The following SWAP70 variants were observed in gnomAD, a reference collection of about 807,000 sequenced individuals.
The protein encoded by SWAP70 is switching B cell complex subunit SWAP70.
SWAP70 carries 34 observed loss-of-function variants against 80.2 expected under a neutral mutation model. That is an observed-to-expected ratio of 0.42 (90% CI 0.32 to 0.56). The LOEUF is 0.56. SWAP70 is among the 20% of genes least tolerant of loss of function. The pLI is 0.09. For missense variants in SWAP70, 578 were observed against 690.7 expected (o/e 0.84, Z 1.83); for synonymous variants, 239 against 238.5 (o/e 1.00, Z -0.02).
chr11:9,740,425 TG>T, intron 9 of SWAP70, 78 bp downstream of exon 9: 1 of 1,411,104 alleles, frequency 7.1e-7, no homozygotes, highest in Non-Finnish European at 1.0e-6. Flanking sequence ...ACTAACACTC[TG>T]GTGGAGAGGG....
intron 3 of SWAP70, among the ~76,000 whole-genome samples, chr11:9,717,564 G>T (rs895654638): frequency 3.9e-5 from 6 of 151,922 alleles, no homozygotes; most frequent in Admixed American, 3.9e-4. Context: ...GAGTCTGAAA[G>T]GGTGGTTTGA....
chr11:9,671,643 T>TGAA (rs1850399800), intron 1 of SWAP70, among the ~76,000 whole-genome samples: 1 of 85,530 alleles, frequency 1.2e-5, no homozygotes, highest in Non-Finnish European at 2.1e-5. Flanking sequence ...TAAATATTTC[T>TGAA]ATATAAATAT....
In SWAP70 at chr11:9,728,208, A is replaced by G. The variant is rs1590041391; in HGVS notation, c.789+9A>G. 8 of 1,587,142 alleles carry G rather than the reference A, an allele frequency of 5.0e-6. No individual in the cohort carries two copies. Among genetic ancestry groups the G allele is most frequent in the Non-Finnish European group, 6.8e-6 (8 of 1,170,400 alleles). ...AAAATTGCTGTGTAGAGGTGAGTCT[A>G]CTCTTACTTCTTTGCATGATTACCC... On this transcript the variant is annotated intron_variant, in intron 5 of 11. Coordinates refer to ENST00000318950, the MANE Select transcript of SWAP70 (RefSeq NM_015055.4).
intron 2 of SWAP70, among the ~76,000 whole-genome samples, chr11:9,708,403 G>C (rs1850951701): frequency 6.6e-6 from 1 of 152,134 alleles, no homozygotes; most frequent in Admixed American, 6.5e-5. Context: ...AAGTGATGTT[G>C]AGCATCTTCT....
intron 9 of SWAP70, among the ~76,000 whole-genome samples, chr11:9,743,146 G>C (rs1240543805): frequency 6.8e-6 from 1 of 146,956 alleles, no homozygotes; most frequent in Admixed American, 6.9e-5. Context: ...GAGAATATGC[G>C]GTGTTTGGTT....
intron 2 of SWAP70, among the ~76,000 whole-genome samples, chr11:9,696,422 G>T (rs1309731851): frequency 6.6e-6 from 1 of 152,138 alleles, no homozygotes; most frequent in Admixed American, 6.6e-5. Context: ...TTTGTAGTCT[G>T]ATTTTCCTGG....
intron 8 of SWAP70, among the ~76,000 whole-genome samples, chr11:9,739,334 T>C (rs930145530): frequency 1.3e-5 from 2 of 152,206 alleles, no homozygotes; most frequent in Admixed American, 6.5e-5. Flanking sequence ...TTGAAAGAGA[T>C]GTGTTTGTGG....
chr11:9,738,262 T>G lies in SWAP70; in HGVS notation c.1130T>G (p.Leu377Arg). ...GCAGCAGAAGAGGAAAAGAAACGCC[T>G]TCAGACTCAAGTGGAACTTCAGGCC... Reference protein sequence around the residue: ...SRAAEEEKKRLQTQVELQARF... With the variant: ...SRAAEEEKKRRQTQVELQARF... The change falls in exon 8 of 12, where the codon CTT becomes CGT. Residue 377 changes from leucine (L) to arginine (R), a missense_variant. Transcript: ENST00000318950. 3 of 1,611,734 alleles carry G rather than the reference T, an allele frequency of 1.9e-6. No individual in the cohort carries two copies. Among genetic ancestry groups the G allele is most frequent in the Non-Finnish European group, 2.5e-6 (3 of 1,178,922 alleles).
At position 9,694,186 on chromosome 11, in the gene SWAP70, A is replaced by C. The variant is rs1447414700; in HGVS notation, c.140A>C (p.His47Pro). 1.2e-6 allele frequency: 2 copies of C among 1,612,930 alleles called. No homozygotes were observed. Among genetic ancestry groups the C allele is most frequent in the South Asian group, 2.2e-5 (2 of 90,944 alleles). Reference sequence around the variant, plus strand: ...CTGTGCACGGTGCTGAAGGTTCCTCATGACCCAGTTGCCCTTGAAGAGCAC... The same window carrying C: ...CTGTGCACGGTGCTGAAGGTTCCTCCTGACCCAGTTGCCCTTGAAGAGCAC... Reference protein sequence around the residue: ...HNLCTVLKVPHDPVALEEHFR... With the variant: ...HNLCTVLKVPPDPVALEEHFR... Residue 47 changes from histidine to proline, a missense_variant, in exon 2 of 12, where the codon CAT (histidine) becomes CCT (proline). Transcript: ENST00000318950.
intron 1 of SWAP70, among the ~76,000 whole-genome samples, chr11:9,674,921 A>T (rs910659473): frequency 9.9e-5 from 15 of 151,568 alleles, no homozygotes; most frequent in African/African-American, 3.6e-4. Context: ...GTGAGCGGAG[A>T]TTATGCCACT....
chr11:9,682,354 A>C (rs1850578146), intron 1 of SWAP70, among the ~76,000 whole-genome samples: 1 of 152,226 alleles, frequency 6.6e-6, no homozygotes, highest in Non-Finnish European at 1.5e-5. Flanking sequence ...AGTTTTGTTA[A>C]GGCAATGGTG....
intron 2 of SWAP70, among the ~76,000 whole-genome samples, chr11:9,696,979 A>C (rs1162682360): frequency 6.6e-6 from 1 of 152,150 alleles, no homozygotes; most frequent in Non-Finnish European, 1.5e-5. Context: ...TGGGATGCTG[A>C]GGTGAGAGGA....
At chr11:9,684,273 G>C (rs905401458) in intron 1 of SWAP70, among the ~76,000 whole-genome samples, 4 of 152,014 alleles carry the variant, frequency 2.6e-5, no homozygotes, top group African/African-American at 4.8e-5. Context: ...ATAGAGACAG[G>C]GTCTTGTTAT....
intron 1 of SWAP70, among the ~76,000 whole-genome samples, chr11:9,667,472 G>A (rs1158844170): frequency 6.6e-6 from 1 of 151,780 alleles, no homozygotes; most frequent in East Asian, 2.0e-4. Flanking sequence ...GGCTGGTGTT[G>A]AACTCCTGAG....
At chr11:9,726,522 G>A (rs1851227594) in intron 4 of SWAP70, among the ~76,000 whole-genome samples, 1 of 152,138 alleles carries the variant, frequency 6.6e-6, no homozygotes, top group Non-Finnish European at 1.5e-5. Context: ...TCTTAGGATG[G>A]CAGGATATGA....
At chr11:9,692,686 G>T (rs1398071147) in intron 1 of SWAP70, among the ~76,000 whole-genome samples, 1 of 152,014 alleles carries the variant, frequency 6.6e-6, no homozygotes, top group East Asian at 1.9e-4. Flanking sequence ...CAGTTATTAA[G>T]CTCTTTATAT....
intron 1 of SWAP70, among the ~76,000 whole-genome samples, chr11:9,666,360 A>T (rs1314950328): frequency 6.6e-6 from 1 of 152,248 alleles, no homozygotes; most frequent in Admixed American, 6.5e-5. Flanking sequence ...TGCTAGGATT[A>T]CAAGTGTGAC....
At chr11:9,706,960 A>C (rs1477855986) in intron 2 of SWAP70, among the ~76,000 whole-genome samples, 1 of 151,784 alleles carries the variant, frequency 6.6e-6, no homozygotes. Context: ...TTTCTTTAGC[A>C]AGATTCTTTC....
At chr11:9,712,853 C>T (rs1055512953) in intron 2 of SWAP70, among the ~76,000 whole-genome samples, 2 of 151,784 alleles carry the variant, frequency 1.3e-5, no homozygotes, top group Admixed American at 6.6e-5. Context: ...TGCGCCACCA[C>T]GCCCGGCTAA....
Sources: allele counts gnomAD v4.1 joint callset (sites outside exome capture counted in the v4.1 genomes callset), GRCh38; gene constraint gnomAD v4.1.1; transcripts MANE v1.5; gene names NCBI Gene and HGNC (gene_info 2026-07-23, HGNC 2026-07-21).